The following DMD variants were observed in gnomAD, a reference collection of about 807,000 sequenced individuals.
DMD encodes the protein dystrophin.
DMD carries 63 observed loss-of-function variants against 330.1 expected under a neutral mutation model. The ratio of observed to expected loss-of-function variants is 0.19; its 90% CI spans 0.16 to 0.24. DMD has a LOEUF of 0.24. DMD is among the 10% of genes least tolerant of loss of function. The pLI, the probability that DMD is intolerant of heterozygous loss-of-function variation, is 1.00. For missense variants in DMD, 3,344 were observed against 2,684.1 expected (o/e 1.25, Z -5.43); for synonymous variants, 1,223 against 959.8 (o/e 1.27, Z -5.07).
chrX:31,853,628 T>C (rs2093567609), intron 48 of DMD, among the ~76,000 whole-genome samples: 1 of 111,571 alleles, frequency 9.0e-6, no homozygotes, highest in Non-Finnish European at 1.9e-5. Flanking sequence ...ATTTGTACTT[T>C]GATCAACTTT....
intron 63 of DMD, among the ~76,000 whole-genome samples, chrX:31,247,709 C>T (rs756581979): frequency 2.3e-4 from 25 of 110,983 alleles, no homozygotes; most frequent in African/African-American, 7.9e-4. Flanking sequence ...GTTTGGAAGA[C>T]GTTGATTCCA....
At chrX:32,626,259 T>A (rs1286633407) in intron 11 of DMD, among the ~76,000 whole-genome samples, 3 of 110,914 alleles carry the variant, frequency 2.7e-5, no homozygotes, top group African/African-American at 9.9e-5. Context: ...TCACCTGAGG[T>A]CAGGAGTTCA....
chrX:32,831,589 GGA>G (rs745545122), intron 4 of DMD, among the ~76,000 whole-genome samples: 75 of 108,464 alleles, frequency 6.9e-4, no homozygotes, highest in Middle Eastern at 9.8e-3. Flanking sequence ...CAGAGCAGAA[GGA>G]GAGAGAGAAG....
At chrX:32,759,565 C>A (rs1343264662) in intron 7 of DMD, among the ~76,000 whole-genome samples, 1 of 111,110 alleles carries the variant, frequency 9.0e-6, no homozygotes, top group Non-Finnish European at 1.9e-5. Flanking sequence ...TAATGCCTTA[C>A]CTCAATTTCT....
intron 7 of DMD, among the ~76,000 whole-genome samples, chrX:32,795,314 C>T (rs1351188352): frequency 8.9e-6 from 1 of 111,865 alleles, no homozygotes; most frequent in Non-Finnish European, 1.9e-5. Flanking sequence ...GAATTAAATC[C>T]ATGTATTTAC....
At chrX:32,202,665 A>T (rs2097046442) in intron 44 of DMD, among the ~76,000 whole-genome samples, 1 of 112,115 alleles carries the variant, frequency 8.9e-6, no homozygotes. Flanking sequence ...CTTTATTTTC[A>T]AGCAGAAAAC....
chrX:32,427,123 C>G (rs1028275667), intron 29 of DMD, among the ~76,000 whole-genome samples: 4 of 111,869 alleles, frequency 3.6e-5, no homozygotes, highest in Admixed American at 9.5e-5. Flanking sequence ...ACAGCTAGAT[C>G]TGTTGAGACC....
intron 1 of DMD, among the ~76,000 whole-genome samples, chrX:33,234,706 G>A (rs1036628543): frequency 9.0e-6 from 1 of 111,567 alleles, no homozygotes; most frequent in African/African-American, 3.3e-5. Flanking sequence ...TATCATCTAC[G>A]TGACCTAAGT....
At chrX:33,282,877 T>C (rs908226573) in intron 1 of DMD, among the ~76,000 whole-genome samples, 1 of 112,104 alleles carries the variant, frequency 8.9e-6, no homozygotes, top group Non-Finnish European at 1.9e-5. Flanking sequence ...GGGGCACATA[T>C]GAGAATGTGC....
chrX:32,405,850 C>A lies in DMD; in HGVS notation c.4233+5902G>T, dbSNP rs970247745. On this transcript the variant is annotated intron_variant, in intron 30 of 78. Coordinates refer to ENST00000357033, the MANE Select transcript of DMD (RefSeq NM_004006.3). ...CTATAAATTACCTTGGGCAGTATGGCCATTTTCACGATATTGACACTTCCT... is the reference window on the plus strand; with the variant it reads ...CTATAAATTACCTTGGGCAGTATGGACATTTTCACGATATTGACACTTCCT... Among the ~76,000 whole-genome samples, 33 of 111,576 alleles carry A rather than the reference C, an allele frequency of 3.0e-4. 1 individual carries two copies. Among genetic ancestry groups the A allele is most frequent in the Non-Finnish European group, 5.5e-4 (29 of 53,069 alleles).
At chrX:32,501,175 A>G (rs2044015274) in intron 19 of DMD, among the ~76,000 whole-genome samples, 1 of 111,951 alleles carries the variant, frequency 8.9e-6, no homozygotes, top group East Asian at 2.8e-4. Flanking sequence ...TTATTCTTGA[A>G]AAAGAAAGAC....
intron 44 of DMD, among the ~76,000 whole-genome samples, chrX:32,184,419 A>AT (rs2096938243): frequency 9.0e-6 from 1 of 111,129 alleles, no homozygotes; most frequent in Admixed American, 9.7e-5. Context: ...TCTATCCCTA[A>AT]TTTTTGTCTG....
At chrX:31,368,816 T>C (rs2059395623) in intron 60 of DMD, among the ~76,000 whole-genome samples, 1 of 110,892 alleles carries the variant, frequency 9.0e-6, no homozygotes, top group African/African-American at 3.3e-5. Flanking sequence ...CAGCTAATTT[T>C]TGTATTTTTA....
chrX:33,212,925 T>C (rs1223092521), upstream of DMD, among the ~76,000 whole-genome samples: 1 of 111,783 alleles, frequency 8.9e-6, no homozygotes, highest in Non-Finnish European at 1.9e-5. Context: ...AGTGTCCCTC[T>C]ATGCTGTGAG....
Position 32,831,846 on chromosome X carries a change from T to C in DMD, c.265-8459A>G, listed in dbSNP as rs148477667. Among the ~76,000 whole-genome samples, 61 of 110,992 alleles carry C rather than the reference T, an allele frequency of 5.5e-4. 1 individual carries two copies. The highest frequency in any genetic ancestry group is 2.8e-3 in the East Asian group (10 of 3,538). The stretch of plus-strand genomic sequence containing the variant: ...TTGTGTATCATTTAAGCATTTGCGG[T>C]TTTAACTTGGAAGTTGCAGAAAGTT... On this transcript the variant is annotated intron_variant, in intron 4 of 78. Coordinates refer to ENST00000357033, the MANE Select transcript of DMD (RefSeq NM_004006.3).
At chrX:33,092,455 T>C (rs145434730) in intron 1 of DMD, among the ~76,000 whole-genome samples, 1,601 of 111,700 alleles carry the variant, frequency 0.014, 33 homozygotes, top group African/African-American at 0.05. Context: ...TAAGTGAACA[T>C]TTTCTTTTAG....
chrX:31,449,215 A>G (rs1360747306), intron 59 of DMD, among the ~76,000 whole-genome samples: 1 of 111,491 alleles, frequency 9.0e-6, no homozygotes, highest in Admixed American at 9.6e-5. Context: ...CATAGCGTGC[A>G]GTGCCTGGTG....
At chrX:32,792,905 C>CA (rs1464346672) in intron 7 of DMD, among the ~76,000 whole-genome samples, 11 of 111,879 alleles carry the variant, frequency 9.8e-5, no homozygotes, top group African/African-American at 3.2e-4. Flanking sequence ...ATCACTTAGA[C>CA]AAAAAATTAA....
At chrX:31,850,968 A>T (rs1036675515) in intron 48 of DMD, among the ~76,000 whole-genome samples, 1 of 112,691 alleles carries the variant, frequency 8.9e-6, no homozygotes, top group African/African-American at 3.2e-5. Context: ...AAAGTGTAGC[A>T]AGAAACAAAA....
Sources: allele counts gnomAD v4.1 joint callset (sites outside exome capture counted in the v4.1 genomes callset), GRCh38; gene constraint gnomAD v4.1.1; transcripts MANE v1.5; gene names NCBI Gene and HGNC (gene_info 2026-07-23, HGNC 2026-07-21).